VWCE: variants seen among roughly 807,000 people sequenced by gnomAD.
The protein encoded by VWCE is von Willebrand factor C and EGF domain-containing protein.
A neutral mutation model predicts 102.9 loss-of-function variants in VWCE; 68 were observed. That is an observed-to-expected ratio of 0.66 (90% CI 0.54 to 0.81). VWCE has a LOEUF of 0.81. VWCE is among the 30% of genes least tolerant of loss of function. The pLI, the probability that VWCE is intolerant of heterozygous loss-of-function variation, is 0.00. For missense variants in VWCE, 1,137 were observed against 1,263.6 expected (o/e 0.90, Z 1.52); for synonymous variants, 497 against 515.4 (o/e 0.96, Z 0.48).
intron 14 of VWCE, among the ~76,000 whole-genome samples, chr11:61,269,940 C>T (rs1264414990): frequency 6.5e-5 from 9 of 139,268 alleles, no homozygotes; most frequent in South Asian, 2.3e-4. Flanking sequence ...TTTTTTGAGA[C>T]GGAGTCTCAC....
At chr11:61,262,136 T>C (rs1854379016) in intron 19 of VWCE, among the ~76,000 whole-genome samples, 1 of 152,162 alleles carries the variant, frequency 6.6e-6, no homozygotes. Context: ...CTATTTTTAG[T>C]AGAGACAGGG....
In VWCE at chr11:61,278,975, G is replaced by A. The variant is rs186508120; in HGVS notation, c.1325-499C>T. Among the ~76,000 whole-genome samples the A allele has an allele frequency of 3.4e-3, 517 of 152,054 alleles. 1 individual carries two copies. Among genetic ancestry groups the A allele is most frequent in the Middle Eastern group, 0.014 (4 of 294 alleles). On this transcript the variant is annotated intron_variant, in intron 9 of 19. Coordinates refer to ENST00000335613, the MANE Select transcript of VWCE (RefSeq NM_152718.2). ...AATCGCTTGAACCCGGGAGGCAGAC[G>A]TTGCAGTGAGCCGAGATCGCGCCAC... is the stretch of plus-strand genomic sequence containing the variant.
At position 61,258,902 on chromosome 11, in the gene VWCE, C is replaced by A. The variant is rs1206200636; in HGVS notation, c.2641G>T (p.Ala881Ser). 1 of 1,527,152 alleles carries A rather than the reference C, an allele frequency of 6.5e-7. No homozygotes were observed. The allele number at this position is 1,527,152 out of a possible 1,614,324, so 94.6% of individuals were successfully genotyped here. The change falls in exon 20 of 20, where the codon GCC becomes TCC. Residue 881 changes from alanine to serine, a missense_variant. Transcript: ENST00000335613. ...GGAGGCCACCTGGACACTATCTGGGCCCCAGAGGCTGAGAACGAGCGCTCT... is the reference window on the plus strand; with the variant it reads ...GGAGGCCACCTGGACACTATCTGGGACCCAGAGGCTGAGAACGAGCGCTCT... ...TPERSFSASG[A>S]QIVSRWPPLP...
chr11:61,270,241 C>A (rs753082111), intron 14 of VWCE, among the ~76,000 whole-genome samples: 1 of 152,100 alleles, frequency 6.6e-6, no homozygotes, highest in South Asian at 2.1e-4. Context: ...TTTTAACAAA[C>A]GGCTCATCGA....
chr11:61,259,160 C>CCGGCCT lies in VWCE; in HGVS notation c.2377_2382dup (p.Arg793_Pro794dup). ...AAAAGGAGCTGGAGGAGATGAAGCACCGGCCTCGAGGGTGATGCTGTCGGG... is the reference window on the plus strand; with the variant it reads ...AAAAGGAGCTGGAGGAGATGAAGCACCGGCCTCGGCCTCGAGGGTGATGCTGTCGGG... On this transcript the variant is annotated inframe_insertion, in exon 20 of 20. Transcript: ENST00000335613. 1 of 1,614,166 alleles carries CCGGCCT rather than the reference C, an allele frequency of 6.2e-7. No homozygotes were observed. Among genetic ancestry groups the CCGGCCT allele is most frequent in the Non-Finnish European group, 8.5e-7 (1 of 1,180,028 alleles).
In VWCE at chr11:61,294,979, G is replaced by T; in HGVS notation, c.59C>A (p.Pro20Gln). 1 of 1,474,892 alleles carries T rather than the reference G, an allele frequency of 6.8e-7. No homozygotes were observed. The highest frequency in any genetic ancestry group is 9.0e-7 in the Non-Finnish European group (1 of 1,114,618). 91.4% of individuals were successfully genotyped at this position (1,474,892 alleles called of 1,614,324 possible). ...CTTCCTCCCGGTGTAGCCTCGGGCTGGTGCCCCCGGCAGCAGGAGCGCGAC... is the reference window on the plus strand; with the variant it reads ...CTTCCTCCCGGTGTAGCCTCGGGCTTGTGCCCCCGGCAGCAGGAGCGCGAC... ...ACVALLLPGA[P>Q]ARGYTGRKPP... is the part of the protein sequence containing the mutation. Residue 20 changes from proline (P) to glutamine (Q), a missense_variant, in exon 1 of 20, where the codon CCA (proline) becomes CAA (glutamine). Physicochemically the swap from Pro to Gln is moderately conservative, Grantham distance 76. Transcript: ENST00000335613. The surrounding 1 kb of genome is among the most constrained non-coding windows in gnomAD (Gnocchi z 6.3).
At chr11:61,286,578 G>A in intron 4 of VWCE, 148 bp from the exon 5 acceptor site, 1 of 672,138 alleles carries the variant, frequency 1.5e-6, no homozygotes, top group East Asian at 2.9e-5. Context: ...CGAGGCCCAT[G>A]GATCACCAGA....
At chr11:61,276,442 G>T in intron 11 of VWCE, 151 bp downstream of exon 11, 1 of 518,940 alleles carries the variant, frequency 1.9e-6, no homozygotes, top group East Asian at 3.5e-5. Context: ...GCAAAACTGG[G>T]CTTGGGGGCT....
At chr11:61,270,204 C>T (rs1203034692) in intron 14 of VWCE, among the ~76,000 whole-genome samples, 3 of 152,208 alleles carry the variant, frequency 2.0e-5, no homozygotes, top group Admixed American at 6.5e-5. Context: ...CAGGCGTGAG[C>T]CACCGCGCCC....
chr11:61,267,173 G>A (rs1256172338), intron 16 of VWCE, among the ~76,000 whole-genome samples: 5 of 152,126 alleles, frequency 3.3e-5, no homozygotes, highest in Non-Finnish European at 7.3e-5. Context: ...CAGGAGAATC[G>A]CTTGAACTCG....
At chr11:61,291,630 C>A in intron 1 of VWCE, 54 bp from the exon 2 acceptor site, 1 of 1,343,212 alleles carries the variant, frequency 7.4e-7, no homozygotes, top group South Asian at 1.9e-5. Flanking sequence ...AGACATTGGT[C>A]AACAGGAAAG....
At chr11:61,283,943 A>G (rs757705324) in intron 5 of VWCE, among the ~76,000 whole-genome samples, 51 of 152,248 alleles carry the variant, frequency 3.3e-4, no homozygotes, top group Non-Finnish European at 6.3e-4. Flanking sequence ...TAAACTATGA[A>G]ATATTTGCAC....
intron 6 of VWCE, 51 bp from the exon 7 acceptor site, chr11:61,281,965 C>T (rs776716020): frequency 6.3e-7 from 1 of 1,582,988 alleles, no homozygotes; most frequent in Non-Finnish European, 8.6e-7. Context: ...CTACGGAGCC[C>T]TTCTTCCGCC....
Position 61,258,329 on chromosome 11 carries a change from C to T in VWCE, c.*346G>A, listed in dbSNP as rs1031045268. 3.2e-5 allele frequency: 6 copies of T among 187,760 alleles called. No homozygotes were observed. The highest frequency in any genetic ancestry group is 2.0e-4 in the South Asian group (1 of 5,118). 11.6% of individuals were successfully genotyped at this position (187,760 alleles called of 1,614,324 possible). A position where few individuals can be genotyped will look rare whatever the true frequency, so the allele number is the denominator to read the frequency against. ...CTTTAATCAGGAAACCTCAGAGAGA[C>T]GCATGACACCTGGCGGTACAGTCCC... On this transcript the variant is annotated 3_prime_UTR_variant, in exon 20 of 20. Transcript: ENST00000335613.
intron 16 of VWCE, among the ~76,000 whole-genome samples, chr11:61,265,675 C>T (rs1854492078): frequency 6.6e-6 from 1 of 152,216 alleles, no homozygotes; most frequent in African/African-American, 2.4e-5. Flanking sequence ...TCACTGATCA[C>T]CAAAGAAATA....
chr11:61,293,408 TTC>T (rs998357959), intron 1 of VWCE, among the ~76,000 whole-genome samples: 5 of 142,436 alleles, frequency 3.5e-5, no homozygotes, highest in African/African-American at 1.1e-4. Context: ...CAGAATAAGA[TTC>T]TGTCTCAAAA....
chr11:61,273,414 C>T (rs764135574), intron 12 of VWCE, 98 bp from the exon 13 acceptor site: 43 of 1,145,420 alleles, frequency 3.8e-5, no homozygotes, highest in South Asian at 1.2e-4. Context: ...ATCACCCTCC[C>T]GGCTACTCAA....
At chr11:61,281,384 C>G in intron 7 of VWCE, 149 bp from the exon 8 acceptor site, 1 of 990,420 alleles carries the variant, frequency 1.0e-6, no homozygotes, top group Non-Finnish European at 1.5e-6. Context: ...GGGACACTGT[C>G]GCCGTTTGGC....
intron 16 of VWCE, among the ~76,000 whole-genome samples, chr11:61,265,874 C>T (rs1057184064): frequency 3.3e-5 from 5 of 151,438 alleles, no homozygotes; most frequent in East Asian, 2.0e-4. Context: ...GGCAAAACTC[C>T]GACTCTACTA....
Sources: gnomAD v4.1 joint callset for allele counts (sites outside exome capture counted in the v4.1 genomes callset) on GRCh38, gnomAD v4.1.1 for gene constraint, Gnocchi (gnomAD v3.1) non-coding constraint, MANE v1.5 for transcripts, NCBI Gene and HGNC (gene_info 2026-07-23, HGNC 2026-07-21) for gene names.